The following GRK3 variants were observed in gnomAD, a reference collection of about 807,000 sequenced individuals.
GRK3 encodes G protein-coupled receptor kinase 3.
Under a neutral mutation model 95.7 loss-of-function variants are expected in GRK3, and 54 were observed. The observed-to-expected ratio is 0.56, with a 90% CI of 0.45 to 0.71. The LOEUF (loss-of-function observed/expected upper bound fraction) is 0.71, where lower values mean the gene tolerates loss of function less well. GRK3 is among the 30% of genes least tolerant of loss of function. GRK3 has a pLI of 0.00. For missense variants in GRK3, 649 were observed against 851.2 expected (o/e 0.76, Z 2.96); for synonymous variants, 281 against 290.8 (o/e 0.97, Z 0.34).
chr22:25,587,188 G>A (rs1267717267), intron 1 of GRK3, among the ~76,000 whole-genome samples: 3 of 152,172 alleles, frequency 2.0e-5, no homozygotes, highest in South Asian at 2.1e-4. Context: ...ACCGTGCCCA[G>A]TGGCCCTTGC....
At chr22:25,648,954 A>G (rs1213637846) in intron 3 of GRK3, 10 of 937,872 alleles carry the variant, frequency 1.1e-5, no homozygotes, top group East Asian at 4.8e-5. Context: ...TGGGTTTACA[A>G]TAAAGTCTGG....
At chr22:25,593,128 G>T (rs528133005) in intron 1 of GRK3, among the ~76,000 whole-genome samples, 33 of 144,490 alleles carry the variant, frequency 2.3e-4, no homozygotes, top group African/African-American at 8.9e-4. Context: ...GAACATATGA[G>T]TGCATGTGGT....
Position 25,663,694 on chromosome 22 carries a change from C to T in GRK3, c.431C>T (p.Thr144Ile), listed in dbSNP as rs1216613179. The change falls in exon 5 of 21, where the codon ACT becomes ATT. Residue 144 changes from threonine to isoleucine, a missense_variant. Thr to Ile is a moderately conservative substitution (Grantham distance 89). Transcript: ENST00000324198. ...TTATCCAAGAAACAAGTGACATCAA[C>T]TCTTTTTCAGGTAAGATAAAATTAT... ...SHLSKKQVTS[T>I]LFQPYIEEIC... The T allele has an allele frequency of 1.2e-5, 19 of 1,608,942 alleles. No homozygotes were observed. Among genetic ancestry groups the T allele is most frequent in the Non-Finnish European group, 1.6e-5 (19 of 1,176,372 alleles).
chr22:25,666,573 C>A (rs2146406659), intron 5 of GRK3, among the ~76,000 whole-genome samples: 1 of 152,156 alleles, frequency 6.6e-6, no homozygotes, highest in South Asian at 2.1e-4. Flanking sequence ...ACTGGCTCAC[C>A]CCCCACCACC....
At chr22:25,583,368 T>C (rs947368387) in intron 1 of GRK3, among the ~76,000 whole-genome samples, 2 of 151,792 alleles carry the variant, frequency 1.3e-5, no homozygotes, top group Non-Finnish European at 2.9e-5. Flanking sequence ...TTTTTTTTTT[T>C]TTTTTTCTTA....
intron 12 of GRK3, among the ~76,000 whole-genome samples, chr22:25,693,530 C>T (rs1046814079): frequency 5.3e-5 from 8 of 152,278 alleles, no homozygotes; most frequent in South Asian, 2.1e-4. Flanking sequence ...AAATCTCCAA[C>T]GCTCTCACAG....
chr22:25,622,536 G>A (rs2084594523), intron 2 of GRK3, among the ~76,000 whole-genome samples: 1 of 152,166 alleles, frequency 6.6e-6, no homozygotes, highest in Non-Finnish European at 1.5e-5. Context: ...GAAGGCCCAC[G>A]CAGGCAGCTC....
intron 5 of GRK3, among the ~76,000 whole-genome samples, chr22:25,664,516 A>ATCT (rs1409027247): frequency 6.6e-5 from 8 of 121,518 alleles, no homozygotes; most frequent in African/African-American, 1.7e-4. Flanking sequence ...TGACTTTGGC[A>ATCT]TTTTTTTTTT....
Position 25,584,748 on chromosome 22 carries a change from A to G in GRK3, c.113+19595A>G, listed in dbSNP as rs56280517. Among the ~76,000 whole-genome samples the G allele has an allele frequency of 2.4e-3, 365 of 150,706 alleles. 1 individual carries two copies. The highest frequency in any genetic ancestry group is 8.5e-3 in the African/African-American group (349 of 41,074). ...ACAGTAAATATAGGATTCTTATACTATCTGCAGGTTCAGGTATCCACTGGC... is the reference window on the plus strand; with the variant it reads ...ACAGTAAATATAGGATTCTTATACTGTCTGCAGGTTCAGGTATCCACTGGC... On this transcript the variant is annotated intron_variant, in intron 1 of 20. Transcript: ENST00000324198.
chr22:25,641,181 A>G (rs150701917), intron 2 of GRK3, among the ~76,000 whole-genome samples: 37 of 152,282 alleles, frequency 2.4e-4, no homozygotes, highest in African/African-American at 7.2e-4. Flanking sequence ...TGTGTTTTCT[A>G]TTGTGTGTTG....
chr22:25,604,535 C>T, intron 2 of GRK3, 82 bp downstream of exon 2: 2 of 890,174 alleles, frequency 2.2e-6, no homozygotes, highest in South Asian at 3.3e-5. Flanking sequence ...GAATGCACCC[C>T]CTAGTGCTTT....
At chr22:25,612,557 A>T (rs2084506845) in intron 2 of GRK3, among the ~76,000 whole-genome samples, 1 of 151,810 alleles carries the variant, frequency 6.6e-6, no homozygotes, top group Non-Finnish European at 1.5e-5. Context: ...TTTTTTATGT[A>T]TTGAATCCTA....
intron 1 of GRK3, among the ~76,000 whole-genome samples, chr22:25,574,624 T>A (rs562971858): frequency 2.5e-4 from 38 of 152,352 alleles, no homozygotes; most frequent in Admixed American, 1.6e-3. Context: ...ACATCTTTTT[T>A]AAAAAATATG....
chr22:25,601,989 A>G (rs1458892812), intron 1 of GRK3, among the ~76,000 whole-genome samples: 1 of 152,210 alleles, frequency 6.6e-6, no homozygotes, highest in Non-Finnish European at 1.5e-5. Context: ...GAACTCATCA[A>G]CTAAGCACCT....
chr22:25,658,472 G>A (rs960824571), intron 3 of GRK3, among the ~76,000 whole-genome samples: 1 of 152,132 alleles, frequency 6.6e-6, no homozygotes, highest in African/African-American at 2.4e-5. Flanking sequence ...GTGTCATTAT[G>A]GGGCCCACCA....
chr22:25,685,184 T>C lies in GRK3; in HGVS notation c.762T>C (p.Ile254=). The change falls in exon 10 of 21, where the codon ATT becomes ATC. Residue 254 remains isoleucine, a synonymous_variant. Coordinates refer to ENST00000324198, the MANE Select transcript of GRK3 (RefSeq NM_005160.4). Reference sequence around the variant, plus strand: ...TTTCACTCTAGGACTGTCCTTTCATTGTATGTATGACCTATGCCTTCCATA... The same window carrying C: ...TTTCACTCTAGGACTGTCCTTTCATCGTATGTATGACCTATGCCTTCCATA... ...SLVSTGDCPF[I]VCMTYAFHTP... The C allele has an allele frequency of 1.2e-6, 2 of 1,612,648 alleles. No individual in the cohort carries two copies. The highest frequency in any genetic ancestry group is 1.7e-6 in the Non-Finnish European group (2 of 1,178,610).
intron 2 of GRK3, among the ~76,000 whole-genome samples, chr22:25,607,057 A>C (rs933331853): frequency 2.7e-4 from 41 of 152,078 alleles, no homozygotes; most frequent in African/African-American, 9.9e-4. Context: ...AGAATAATTA[A>C]CCCCATATGT....
intron 15 of GRK3, 107 bp from the exon 16 acceptor site, chr22:25,709,791 A>C: frequency 1.3e-6 from 1 of 754,974 alleles, no homozygotes; most frequent in Non-Finnish European, 2.3e-6. Flanking sequence ...TAAAGGAAAA[A>C]GTGGAAATAC....
chr22:25,627,452 C>T (rs2084636033), intron 2 of GRK3, among the ~76,000 whole-genome samples: 1 of 152,182 alleles, frequency 6.6e-6, no homozygotes, highest in Non-Finnish European at 1.5e-5. Flanking sequence ...ACACTCTTTC[C>T]TTATCTCAAG....
Sources: gnomAD v4.1 joint callset for allele counts (sites outside exome capture counted in the v4.1 genomes callset) on GRCh38, gnomAD v4.1.1 for gene constraint, MANE v1.5 for transcripts, NCBI Gene and HGNC (gene_info 2026-07-23, HGNC 2026-07-21) for gene names.